LRP5: variants seen among roughly 807,000 people sequenced by gnomAD.
LRP5 encodes the protein low-density lipoprotein receptor-related protein 5.
Under a neutral mutation model 154.1 loss-of-function variants are expected in LRP5, and 62 were observed. That is an observed-to-expected ratio of 0.40 (90% CI 0.33 to 0.50). The LOEUF (loss-of-function observed/expected upper bound fraction) is 0.50, where lower values mean the gene tolerates loss of function less well. Ranked by LOEUF, LRP5 falls within the 20% of genes least tolerant of loss-of-function variation. LRP5 has a pLI of 0.55. For missense variants in LRP5, 1,915 were observed against 2,336.7 expected (o/e 0.82, Z 3.72); for synonymous variants, 966 against 1,011.5 (o/e 0.96, Z 0.85).
chr11:68,319,591 A>G (rs2098595553), intron 1 of LRP5, among the ~76,000 whole-genome samples: 1 of 152,048 alleles, frequency 6.6e-6, no homozygotes, highest in African/African-American at 2.4e-5. Flanking sequence ...CCTGGGCTCA[A>G]AGGATCTTCC....
chr11:68,373,536 A>G (rs993156815), intron 5 of LRP5, among the ~76,000 whole-genome samples: 1 of 151,462 alleles, frequency 6.6e-6, no homozygotes, highest in Non-Finnish European at 1.5e-5. Context: ...GGTATATCCC[A>G]CGAGCCTCTG....
intron 5 of LRP5, among the ~76,000 whole-genome samples, chr11:68,376,480 G>A (rs1280988765): frequency 5.3e-5 from 8 of 152,166 alleles, no homozygotes; most frequent in African/African-American, 9.7e-5. Context: ...CACCATGCCT[G>A]GCCGGCCCTA....
At position 68,448,938 on chromosome 11, in the gene LRP5, C is replaced by T. The variant is rs1191147478; in HGVS notation, c.4716C>T (p.Pro1572=). The T allele has an allele frequency of 6.2e-7, 1 of 1,613,374 alleles. No individual in the cohort carries two copies. The highest frequency in any genetic ancestry group is 8.5e-7 in the Non-Finnish European group (1 of 1,179,998). Residue 1572 remains proline (P), a synonymous_variant, in exon 23 of 23, where the codon CCC becomes CCT. Transcript: ENST00000294304. The part of the protein sequence containing the change: ...YYLDLNSDSD[P]YPPPPTPHSQ... ...TGGATTTGAACTCGGACTCAGACCC[C>T]TATCCACCCCCACCCACGCCCCACA...
intron 1 of LRP5, among the ~76,000 whole-genome samples, chr11:68,328,461 C>G (rs2098600895): frequency 2.0e-5 from 3 of 152,252 alleles, no homozygotes; most frequent in African/African-American, 7.2e-5. Flanking sequence ...CCAGTTTCCT[C>G]CCTGTGAGGA....
At chr11:68,377,632 T>G (rs545925214) in intron 5 of LRP5, among the ~76,000 whole-genome samples, 134 of 152,328 alleles carry the variant, frequency 8.8e-4, no homozygotes, top group Admixed American at 2.5e-3. Context: ...GCCTGCCAGC[T>G]GGGAAGCCAC....
At chr11:68,429,469 G>A in intron 16 of LRP5, 106 bp from the exon 17 acceptor site, 1 of 1,435,992 alleles carries the variant, frequency 7.0e-7, no homozygotes, top group Non-Finnish European at 9.8e-7. Flanking sequence ...CGGGCCTGCA[G>A]GAGGGCCAGT....
intron 1 of LRP5, among the ~76,000 whole-genome samples, chr11:68,336,478 AT>A (rs1235395300): frequency 1.3e-5 from 2 of 151,800 alleles, no homozygotes; most frequent in Non-Finnish European, 2.9e-5. Flanking sequence ...ATTTTATTTT[AT>A]TTTTTTGAGA....
intron 2 of LRP5, among the ~76,000 whole-genome samples, chr11:68,356,427 G>A (rs971307428): frequency 4.6e-5 from 7 of 152,044 alleles, no homozygotes; most frequent in South Asian, 2.1e-4. Flanking sequence ...GCAAGCCATC[G>A]TGCCTGGCCA....
At chr11:68,442,755 T>C (rs1364565513) in intron 21 of LRP5, among the ~76,000 whole-genome samples, 1 of 152,216 alleles carries the variant, frequency 6.6e-6, no homozygotes, top group East Asian at 1.9e-4. Flanking sequence ...GGTGCTATTG[T>C]TTTCCTCATT....
chr11:68,347,876 C>T lies in LRP5; in HGVS notation c.121C>T (p.Arg41Trp), dbSNP rs745454417. 9.9e-6 allele frequency: 16 copies of T among 1,613,538 alleles called. No individual in the cohort carries two copies. The highest frequency in any genetic ancestry group is 2.7e-5 in the African/African-American group (2 of 74,934). The change falls in exon 2 of 23, where the codon CGG (arginine) becomes TGG (tryptophan). Residue 41 changes from arginine to tryptophan, a missense_variant. Transcript: ENST00000294304. Reference sequence around the variant, plus strand: ...GCCGCTCCTGCTATTTGCCAACCGCCGGGACGTACGGCTGGTGGACGCCGG... The same window carrying T: ...GCCGCTCCTGCTATTTGCCAACCGCTGGGACGTACGGCTGGTGGACGCCGG... Reference protein sequence around the residue: ...ASPLLLFANRRDVRLVDAGGV... With the variant: ...ASPLLLFANRWDVRLVDAGGV...
Position 68,365,605 on chromosome 11 carries a change from C to T in LRP5, c.918C>T (p.Cys306=), listed in dbSNP as rs528414646. ...HTRCEEDNGG[C]SHLCLLSPSE... ...GCTGTGAGGAGGACAATGGCGGCTG[C>T]TCCCACCTGTGCCTGCTGTCCCCAA... is the stretch of plus-strand genomic sequence containing the variant. Residue 306 remains cysteine, a synonymous_variant, in exon 5 of 23, where the codon TGC becomes TGT. Transcript: ENST00000294304. The T allele has an allele frequency of 2.8e-5, 45 of 1,613,880 alleles. 1 individual carries two copies. The South Asian group carries it at 4.8e-4, about 17-fold the overall frequency.
At position 68,313,267 on chromosome 11, in the gene LRP5, C is replaced by T. The variant is rs144380119; in HGVS notation, c.91+462C>T. Among the ~76,000 whole-genome samples the T allele has an allele frequency of 3.0e-3, 451 of 151,856 alleles. 14 individuals are homozygous for T. The East Asian group carries it at 0.064, about 21-fold the overall frequency. On this transcript the variant is annotated intron_variant, in intron 1 of 22. Coordinates refer to ENST00000294304, the MANE Select transcript of LRP5 (RefSeq NM_002335.4). ...CTCCGAGGACGGGCTGAAGTTGCAG[C>T]GAGAAAGTTCTGAGCCCGGGCGCGG...
At chr11:68,387,410 C>T (rs558324252) in intron 6 of LRP5, among the ~76,000 whole-genome samples, 2 of 151,280 alleles carry the variant, frequency 1.3e-5, no homozygotes, top group Non-Finnish European at 3.0e-5. Flanking sequence ...CCACCACGCC[C>T]GGTCAGGCCA....
chr11:68,310,085 G>A (rs187211398), upstream of LRP5, among the ~76,000 whole-genome samples: 324 of 152,298 alleles, frequency 2.1e-3, no homozygotes, highest in African/African-American at 7.1e-3. Context: ...AGAAAGATAC[G>A]TAAACATGTA....
intron 11 of LRP5, among the ~76,000 whole-genome samples, chr11:68,412,254 C>A (rs1480734524): frequency 6.6e-6 from 1 of 152,150 alleles, no homozygotes; most frequent in Non-Finnish European, 1.5e-5. Flanking sequence ...AGTTAGCTGT[C>A]CTGGGTGATA....
intron 21 of LRP5, among the ~76,000 whole-genome samples, chr11:68,442,398 C>T (rs2098678676): frequency 1.3e-5 from 2 of 152,222 alleles, no homozygotes; most frequent in African/African-American, 2.4e-5. Flanking sequence ...CCTCAGTCCC[C>T]TCAAGTAGCT....
In LRP5 at chr11:68,357,785, G is replaced by A; in HGVS notation, c.624G>A (p.Lys208=). 6.2e-7 allele frequency: 1 copy of A among 1,614,088 alleles called. No homozygotes were observed. Among genetic ancestry groups the A allele is most frequent in the Non-Finnish European group, 8.5e-7 (1 of 1,179,978 alleles). Residue 208 remains lysine, a synonymous_variant, in exon 3 of 23, where the codon AAG becomes AAA. Coordinates refer to ENST00000294304, the MANE Select transcript of LRP5 (RefSeq NM_002335.4). ...TGACCATCGACCTGGAGGAGCAGAA[G>A]CTCTACTGGGCTGACGCCAAGCTCA... ...NGLTIDLEEQ[K]LYWADAKLSF...
At chr11:68,414,899 T>C (rs747564602) in intron 12 of LRP5, among the ~76,000 whole-genome samples, 5 of 152,204 alleles carry the variant, frequency 3.3e-5, no homozygotes, top group African/African-American at 4.8e-5. Context: ...CTGGGCTGTC[T>C]TTGGTCCTGT....
rs901468793 is a variant in LRP5, at chr11:68,446,352, A to C, written c.4489-84A>C. On this transcript the variant is annotated intron_variant, in intron 21 of 22. Coordinates refer to ENST00000294304, the MANE Select transcript of LRP5 (RefSeq NM_002335.4). Reference sequence around the variant, plus strand: ...CAGGGGGGCCAGAAGCCCTCTCTGCAAGGAAAGCCCGAGGGGTGTGGGAGG... The same window carrying C: ...CAGGGGGGCCAGAAGCCCTCTCTGCCAGGAAAGCCCGAGGGGTGTGGGAGG... 24 of 989,130 alleles carry C rather than the reference A, an allele frequency of 2.4e-5. No homozygotes were observed. In the Admixed American group the frequency reaches 2.7e-4, roughly 11 times the overall value. 61.3% of individuals were successfully genotyped at this position (989,130 alleles called of 1,614,324 possible). A position where few individuals can be genotyped will look rare whatever the true frequency, so the allele number is the denominator to read the frequency against.
Sources: gnomAD v4.1 joint callset for allele counts (sites outside exome capture counted in the v4.1 genomes callset) on GRCh38, gnomAD v4.1.1 for gene constraint, MANE v1.5 for transcripts, NCBI Gene and HGNC (gene_info 2026-07-23, HGNC 2026-07-21) for gene names.